Variants in PHLPP2 observed in about 807,000 individuals in gnomAD.
PHLPP2 encodes the protein PH domain leucine-rich repeat-containing protein phosphatase 2.
Under a neutral mutation model 124.9 loss-of-function variants are expected in PHLPP2, and 66 were observed. The ratio of observed to expected loss-of-function variants is 0.53; its 90% confidence interval spans 0.43 to 0.65. PHLPP2 has a LOEUF of 0.65. Ranked by LOEUF, PHLPP2 falls within the 30% of genes least tolerant of loss-of-function variation. The pLI is 0.00. For missense variants in PHLPP2, 1,685 were observed against 1,600.4 expected, an observed-to-expected ratio of 1.05 and a Z score of -0.90; for synonymous variants, 681 against 624.7, an observed-to-expected ratio of 1.09 and a Z score of -1.34.
intron 9 of PHLPP2, among the ~76,000 whole-genome samples, chr16:71,672,738 C>G (rs2044906293): frequency 6.6e-6 from 1 of 152,174 alleles, no homozygotes; most frequent in South Asian, 2.1e-4. Context: ...ACACCCGGAT[C>G]AAGAAACAGA....
intron 18 of PHLPP2, among the ~76,000 whole-genome samples, chr16:71,650,448 T>C (rs2044688339): frequency 6.6e-6 from 1 of 152,180 alleles, no homozygotes; most frequent in African/African-American, 2.4e-5. Context: ...CTTAAAGGGA[T>C]GTCAGCTGGG....
intron 3 of PHLPP2, among the ~76,000 whole-genome samples, chr16:71,691,619 C>T (rs549740128): frequency 3.3e-5 from 5 of 152,146 alleles, no homozygotes; most frequent in African/African-American, 1.2e-4. Context: ...TTAGTAACTA[C>T]AGGAGTACTC....
intron 17 of PHLPP2, among the ~76,000 whole-genome samples, chr16:71,653,599 C>G (rs1170997245): frequency 6.6e-6 from 1 of 152,180 alleles, no homozygotes; most frequent in Non-Finnish European, 1.5e-5. Flanking sequence ...CAGACACTAG[C>G]AGAAAGACCT....
rs906229805 is a variant in PHLPP2, at chr16:71,678,694, A to T, written c.1268+61T>A. The T allele has an allele frequency of 1.3e-5, 11 of 879,184 alleles. No individual in the cohort carries two copies. In the African/African-American group the frequency reaches 1.8e-4, roughly 15 times the overall value. The allele number at this position is 879,184 out of a possible 1,614,324, so 54.5% of individuals were successfully genotyped here. On this transcript the variant is annotated intron_variant, in intron 8 of 18. Coordinates refer to ENST00000568954, the MANE Select transcript of PHLPP2 (RefSeq NM_015020.3). ...ATGTTTTAAACAAATCTTCATAAAC[A>T]GAAGACATAAAGGTCCACCAGAGTC...
In PHLPP2 at chr16:71,657,613, C is replaced by A. The variant is rs1023341399; in HGVS notation, c.2279+620G>T. ...GTTTCACCATGCTAGCCAGGATGGT[C>A]TCGATCTCCTGACCTCGTGATCCAC... On this transcript the variant is annotated intron_variant, in intron 15 of 18. Coordinates refer to ENST00000568954, the MANE Select transcript of PHLPP2 (RefSeq NM_015020.3). Among the ~76,000 whole-genome samples the A allele has an allele frequency of 2.4e-4, 37 of 151,904 alleles. No individual in the cohort carries two copies. In the Middle Eastern group the frequency reaches 0.01, roughly 42 times the overall value.
intron 2 of PHLPP2, among the ~76,000 whole-genome samples, 161 bp from the exon 3 acceptor site, chr16:71,702,892 C>G (rs1365756407): frequency 6.6e-6 from 1 of 151,926 alleles, no homozygotes; most frequent in African/African-American, 2.4e-5. Context: ...TAGTGTAATC[C>G]TCACCTGAAT....
At chr16:71,651,068 G>A (rs768522591) in intron 18 of PHLPP2, among the ~76,000 whole-genome samples, 3 of 152,170 alleles carry the variant, frequency 2.0e-5, no homozygotes, top group Admixed American at 6.5e-5. Context: ...GGCCAGGGAC[G>A]GTGGCTCACG....
rs778993870 is a variant in PHLPP2, at chr16:71,684,520, C to T, written c.691G>A (p.Glu231Lys). The change falls in exon 5 of 19, where the codon GAG becomes AAG. Residue 231 changes from glutamate to lysine, a missense_variant. Transcript: ENST00000568954. The stretch of plus-strand genomic sequence containing the variant: ...CATCGCTGGTACTCGGCCAAAGTCT[C>T]GAAGCTGACATGATAGGTCTGAGCT... The part of the protein sequence containing the change: ...AQAQTYHVSF[E>K]TLAEYQRWQR... 30 of 1,613,832 alleles carry T rather than the reference C, an allele frequency of 1.9e-5. No homozygotes were observed. Among genetic ancestry groups the T allele is most frequent in the East Asian group, 4.5e-5 (2 of 44,880 alleles).
intron 10 of PHLPP2, among the ~76,000 whole-genome samples, chr16:71,671,866 A>C (rs1158361240): frequency 1.3e-5 from 2 of 152,084 alleles, no homozygotes; most frequent in African/African-American, 4.8e-5. Flanking sequence ...GCGAGCCGAG[A>C]TCACGCCACT....
chr16:71,708,089 G>A (rs932750163), intron 2 of PHLPP2, among the ~76,000 whole-genome samples: 1 of 152,110 alleles, frequency 6.6e-6, no homozygotes, highest in Non-Finnish European at 1.5e-5. Context: ...AATCCTGCTC[G>A]AAGCAGCCCT....
chr16:71,685,783 G>A (rs1294946774), intron 4 of PHLPP2, among the ~76,000 whole-genome samples: 1 of 152,126 alleles, frequency 6.6e-6, no homozygotes, highest in Non-Finnish European at 1.5e-5. Flanking sequence ...GTCAAATACT[G>A]AGACAGATCT....
intron 2 of PHLPP2, among the ~76,000 whole-genome samples, chr16:71,706,945 CATTT>C (rs543993001): frequency 7.8e-6 from 1 of 128,886 alleles, no homozygotes; most frequent in African/African-American, 2.8e-5. Context: ...AAAGATACAC[CATTT>C]TTTTTTTTTT....
At chr16:71,707,190 C>G (rs2045281460) in intron 2 of PHLPP2, among the ~76,000 whole-genome samples, 2 of 151,708 alleles carry the variant, frequency 1.3e-5, no homozygotes, top group Non-Finnish European at 2.9e-5. Context: ...CTCCTGACCT[C>G]GTGATCCGCC....
At chr16:71,680,874 C>T (rs1329018897) in intron 6 of PHLPP2, among the ~76,000 whole-genome samples, 3 of 152,132 alleles carry the variant, frequency 2.0e-5, no homozygotes, top group Non-Finnish European at 4.4e-5. Flanking sequence ...AACCAACTTC[C>T]TTAAAATTAT....
intron 9 of PHLPP2, among the ~76,000 whole-genome samples, chr16:71,675,599 C>T (rs1351505846): frequency 6.6e-6 from 1 of 152,210 alleles, no homozygotes; most frequent in East Asian, 1.9e-4. Flanking sequence ...CACTGTAGCA[C>T]AAGAGCAAGA....
rs765826677 is a variant in PHLPP2, at chr16:71,681,838, A to T, written c.803T>A (p.Leu268His). ...CYSLEEVPEH[L>H]FYSQDITYLN... The stretch of plus-strand genomic sequence containing the variant: ...GTAGGTAATATCTTGACTATAGAAG[A>T]GATGCTCAGGAACCTCCTCGAGGCT... Residue 268 changes from leucine to histidine, a missense_variant, in exon 6 of 19, where the codon CTC becomes CAC. Transcript: ENST00000568954. 2 of 1,613,890 alleles carry T rather than the reference A, an allele frequency of 1.2e-6. No homozygotes were observed. The highest frequency in any genetic ancestry group is 1.7e-6 in the Non-Finnish European group (2 of 1,179,834).
intron 10 of PHLPP2, 139 bp from the exon 11 acceptor site, chr16:71,669,509 T>G: frequency 1.6e-6 from 1 of 613,384 alleles, no homozygotes. Context: ...CTTGGAACAC[T>G]GCCTGGAATA....
intron 3 of PHLPP2, among the ~76,000 whole-genome samples, chr16:71,694,840 AGT>A (rs2145359263): frequency 6.6e-6 from 1 of 152,020 alleles, no homozygotes; most frequent in African/African-American, 2.4e-5. Flanking sequence ...GCTGGAGTGC[AGT>A]GGCTCGATCT....
At chr16:71,664,633 T>A (rs971192686) in intron 12 of PHLPP2, among the ~76,000 whole-genome samples, 2 of 152,034 alleles carry the variant, frequency 1.3e-5, no homozygotes, top group African/African-American at 4.8e-5. Flanking sequence ...ACTCCTGTAG[T>A]CCCAGCTACT....
Sources: allele counts gnomAD v4.1 joint callset (sites outside exome capture counted in the v4.1 genomes callset), GRCh38; gene constraint gnomAD v4.1.1; transcripts MANE v1.5; gene names NCBI Gene and HGNC (gene_info 2026-07-23, HGNC 2026-07-21).